CRIM1: variants seen among roughly 807,000 people sequenced by gnomAD.
CRIM1 encodes the protein cysteine rich transmembrane BMP regulator 1.
Under a neutral mutation model 116.4 loss-of-function variants are expected in CRIM1, and 32 were observed. The ratio of observed to expected loss-of-function variants is 0.27; its 90% confidence interval spans 0.21 to 0.37. The LOEUF (loss-of-function observed/expected upper bound fraction) is 0.37. Among genes scored for constraint, CRIM1 ranks in the 10% least tolerant of loss-of-function variants. The pLI, the probability that CRIM1 is intolerant of heterozygous loss-of-function variation, is 1.00. For missense variants in CRIM1, 1,331 were observed against 1,354.8 expected (o/e 0.98, Z 0.28); for synonymous variants, 590 against 509.2 (o/e 1.16, Z -2.13).
At chr2:36,429,621 G>A (rs1195136457) in intron 2 of CRIM1, among the ~76,000 whole-genome samples, 1 of 152,196 alleles carries the variant, frequency 6.6e-6, no homozygotes, top group Non-Finnish European at 1.5e-5. Context: ...TTTTTAGGGG[G>A]AGGAGAGAAG....
chr2:36,531,483 G>A (rs1248927163), intron 13 of CRIM1, among the ~76,000 whole-genome samples: 1 of 151,630 alleles, frequency 6.6e-6, no homozygotes, highest in Non-Finnish European at 1.5e-5. Context: ...CCATCTCAGT[G>A]ACTCCTGGAA....
intron 8 of CRIM1, among the ~76,000 whole-genome samples, chr2:36,505,579 C>T (rs1572887701): frequency 1.8e-5 from 1 of 54,148 alleles, no homozygotes; most frequent in South Asian, 7.0e-4. Context: ...TGTAACAAAA[C>T]CAGTTTTACC....
intron 1 of CRIM1, among the ~76,000 whole-genome samples, chr2:36,367,510 A>G (rs934906025): frequency 1.3e-5 from 2 of 152,236 alleles, no homozygotes; most frequent in African/African-American, 4.8e-5. Context: ...GTCAAAAGGG[A>G]ATTAAATAGT....
At chr2:36,433,136 G>T (rs1256035880) in intron 2 of CRIM1, among the ~76,000 whole-genome samples, 5 of 152,122 alleles carry the variant, frequency 3.3e-5, no homozygotes, top group African/African-American at 7.2e-5. Context: ...CTTTAGAGCA[G>T]TTCATCTCAA....
chr2:36,489,124 G>C (rs1680046436), intron 7 of CRIM1, among the ~76,000 whole-genome samples: 2 of 152,124 alleles, frequency 1.3e-5, no homozygotes, highest in Non-Finnish European at 1.5e-5. Flanking sequence ...ATCTAATGAG[G>C]TATATTTATG....
At chr2:36,456,780 C>G (rs559738201) in intron 4 of CRIM1, among the ~76,000 whole-genome samples, 4 of 151,492 alleles carry the variant, frequency 2.6e-5, no homozygotes, top group African/African-American at 9.7e-5. Context: ...TCTGTCTCCA[C>G]CCCCCCACCA....
intron 1 of CRIM1, 111 bp from the exon 2 acceptor site, chr2:36,396,503 G>T: frequency 1.6e-6 from 1 of 633,412 alleles, no homozygotes; most frequent in Non-Finnish European, 2.6e-6. Flanking sequence ...TTCACAAATT[G>T]ATTTGTCAAA....
At chr2:36,402,500 T>G (rs1672493542) in intron 2 of CRIM1, among the ~76,000 whole-genome samples, 1 of 151,744 alleles carries the variant, frequency 6.6e-6, no homozygotes, top group Non-Finnish European at 1.5e-5. Flanking sequence ...GATGATGAGA[T>G]GTATGGATTT....
chr2:36,388,403 A>G (rs1238251744), intron 1 of CRIM1, among the ~76,000 whole-genome samples: 1 of 152,238 alleles, frequency 6.6e-6, no homozygotes, highest in East Asian at 1.9e-4. Context: ...TATGACTGCC[A>G]TAGGCATATG....
At chr2:36,538,273 CCT>C (rs1666696330) in intron 14 of CRIM1, among the ~76,000 whole-genome samples, 1 of 152,140 alleles carries the variant, frequency 6.6e-6, no homozygotes, top group Non-Finnish European at 1.5e-5. Flanking sequence ...CCAAACAATT[CCT>C]CTTTCCCCTG....
intron 4 of CRIM1, among the ~76,000 whole-genome samples, chr2:36,448,258 C>T (rs1403184589): frequency 6.6e-6 from 1 of 152,202 alleles, no homozygotes; most frequent in Non-Finnish European, 1.5e-5. Context: ...TTGAGCTTAC[C>T]TGAGAGAAAT....
chr2:36,420,981 C>T (rs1052105566), intron 2 of CRIM1, among the ~76,000 whole-genome samples: 4 of 152,122 alleles, frequency 2.6e-5, no homozygotes, highest in Admixed American at 6.5e-5. Flanking sequence ...CTGGAAACCC[C>T]GTGGTGTTTA....
At chr2:36,531,731 C>T (rs1015618952) in intron 13 of CRIM1, 2 of 341,360 alleles carry the variant, frequency 5.9e-6, no homozygotes, top group Non-Finnish European at 1.2e-5. Context: ...TCTTCCTCCT[C>T]TTGTGATATG....
chr2:36,526,112 T>C (rs538654468), intron 13 of CRIM1, among the ~76,000 whole-genome samples: 112 of 152,336 alleles, frequency 7.4e-4, no homozygotes, highest in Non-Finnish European at 1.3e-3. Context: ...AGGGAATTCA[T>C]TGTTCTACTA....
chr2:36,399,351 T>C (rs1672256690), intron 2 of CRIM1, among the ~76,000 whole-genome samples: 1 of 152,156 alleles, frequency 6.6e-6, no homozygotes, highest in South Asian at 2.1e-4. Flanking sequence ...AAGAGGCTCG[T>C]TGGAGAGCTT....
intron 11 of CRIM1, among the ~76,000 whole-genome samples, chr2:36,514,375 A>G (rs943153953): frequency 3.3e-5 from 5 of 152,232 alleles, no homozygotes; most frequent in African/African-American, 7.2e-5. Context: ...ATGATTGTCA[A>G]TAACAGTAAT....
rs78711405 is a variant in CRIM1 at position 36,467,441 on chromosome 2, T to A, written c.991+2786T>A. On this transcript the variant is annotated intron_variant, in intron 5 of 16. Transcript: ENST00000280527. ...CTGTGTATGTATATATAAATATACTTACCACCTAGTGTCCTGGAAAAATCT... is the reference window on the plus strand; with the variant it reads ...CTGTGTATGTATATATAAATATACTAACCACCTAGTGTCCTGGAAAAATCT... 3.2e-3 allele frequency among the ~76,000 whole-genome samples: 488 copies of A among 152,346 alleles called. 20 individuals are homozygous for A. The East Asian group carries it at 0.062, about 19-fold the overall frequency.
chr2:36,371,133 G>A (rs1465373588), intron 1 of CRIM1, among the ~76,000 whole-genome samples: 1 of 152,154 alleles, frequency 6.6e-6, no homozygotes, highest in South Asian at 2.1e-4. Context: ...TCAGGTTTCA[G>A]ACGCCCCCAT....
intron 8 of CRIM1, among the ~76,000 whole-genome samples, chr2:36,503,816 T>C (rs538999958): frequency 6.6e-6 from 1 of 152,304 alleles, no homozygotes; most frequent in South Asian, 2.1e-4. Context: ...TCACATACAG[T>C]AGTCCTAAGC....
Sources: gnomAD v4.1 joint callset for allele counts (sites outside exome capture counted in the v4.1 genomes callset) on GRCh38, gnomAD v4.1.1 for gene constraint, MANE v1.5 for transcripts, NCBI Gene and HGNC (gene_info 2026-07-23, HGNC 2026-07-21) for gene names.